NALCN: variants seen among roughly 807,000 people sequenced by gnomAD.
The protein encoded by NALCN is sodium leak channel, non-selective.
A neutral mutation model predicts 225.3 loss-of-function variants in NALCN; 111 were observed. The observed-to-expected ratio is 0.49, with a 90% confidence interval of 0.42 to 0.58. NALCN has a LOEUF of 0.58. NALCN is among the 20% of genes least tolerant of loss of function. NALCN has a pLI of 0.00. For synonymous variants in NALCN, 764 were observed against 769.0 expected (o/e 0.99, Z 0.11); for missense variants, 1,378 against 2,202.4 (o/e 0.63, Z 7.49).
In NALCN at chr13:101,106,148, A is replaced by G. The variant is rs117951010; in HGVS notation, c.2580-1198T>C. On this transcript the variant is annotated intron_variant, in intron 22 of 43. Transcript: ENST00000251127. ...ACTTGTGGAGAGCCGTCTTCTCCCT[A>G]CGTGTCTTCGCAAGGTCTTCTCTCT... Among the ~76,000 whole-genome samples the G allele has an allele frequency of 3.6e-4, 55 of 152,212 alleles. 1 individual carries two copies. The East Asian group carries it at 9.9e-3, about 27-fold the overall frequency.
chr13:101,224,544 T>G (rs776351944), intron 13 of NALCN, among the ~76,000 whole-genome samples: 1 of 152,176 alleles, frequency 6.6e-6, no homozygotes, highest in Non-Finnish European at 1.5e-5. Context: ...AGCTAACTCT[T>G]CCTTTGCTCC....
intron 37 of NALCN, among the ~76,000 whole-genome samples, chr13:101,070,069 T>C (rs2032747312): frequency 7.2e-6 from 1 of 138,646 alleles, no homozygotes. Flanking sequence ...GAATGTTTTT[T>C]TTTTTTTTTT....
Position 101,359,396 on chromosome 13 carries a change from C to T in NALCN, c.645-13976G>A, listed in dbSNP as rs189835733. 5.9e-4 allele frequency among the ~76,000 whole-genome samples: 90 copies of T among 152,244 alleles called. 1 individual carries two copies. The highest frequency in any genetic ancestry group is 4.0e-4 in the Non-Finnish European group (27 of 68,016). On this transcript the variant is annotated intron_variant, in intron 6 of 43. Coordinates refer to ENST00000251127, the MANE Select transcript of NALCN (RefSeq NM_052867.4). ...TGAAAGATACGTGTATCTTGAGCTTCGCATAAAACTGATGTCTCTTTATGG... is the reference window on the plus strand; with the variant it reads ...TGAAAGATACGTGTATCTTGAGCTTTGCATAAAACTGATGTCTCTTTATGG...
intron 9 of NALCN, among the ~76,000 whole-genome samples, 196 bp from the exon 10 acceptor site, chr13:101,284,215 CTT>C (rs2043263911): frequency 6.6e-6 from 1 of 152,170 alleles, no homozygotes. Flanking sequence ...ATGATAATAA[CTT>C]GAGTTTATTG....
At chr13:101,343,730 C>G (rs965726213) in intron 7 of NALCN, among the ~76,000 whole-genome samples, 4 of 152,334 alleles carry the variant, frequency 2.6e-5, no homozygotes, top group Admixed American at 2.6e-4. Context: ...CTGGTCCTCT[C>G]AAGTCAGCAC....
At chr13:101,294,041 C>T (rs1195602732) in intron 7 of NALCN, among the ~76,000 whole-genome samples, 1 of 152,050 alleles carries the variant, frequency 6.6e-6, no homozygotes, top group East Asian at 1.9e-4. Flanking sequence ...ATTATCAATA[C>T]CATCTTACAG....
At chr13:101,373,853 T>A (rs1044112252) in intron 6 of NALCN, among the ~76,000 whole-genome samples, 1 of 152,106 alleles carries the variant, frequency 6.6e-6, no homozygotes, top group African/African-American at 2.4e-5. Context: ...GAATAATAAA[T>A]GCAATAACTT....
chr13:101,071,446 T>C (rs1364263005), intron 37 of NALCN, among the ~76,000 whole-genome samples: 2 of 152,222 alleles, frequency 1.3e-5, no homozygotes, highest in Non-Finnish European at 2.9e-5. Flanking sequence ...AGCTTTTATA[T>C]CAGCAGCACT....
intron 6 of NALCN, among the ~76,000 whole-genome samples, chr13:101,368,137 A>C (rs1317966232): frequency 4.8e-5 from 7 of 145,730 alleles, no homozygotes; most frequent in Non-Finnish European, 1.1e-4. Flanking sequence ...ATATCTCCTA[A>C]AGCTATCCCT....
At chr13:101,224,632 G>A (rs2041067469) in intron 13 of NALCN, among the ~76,000 whole-genome samples, 2 of 152,178 alleles carry the variant, frequency 1.3e-5, no homozygotes, top group Middle Eastern at 3.4e-3. Context: ...CTTTGAACAG[G>A]AAATATAACC....
intron 11 of NALCN, among the ~76,000 whole-genome samples, chr13:101,255,085 T>G (rs930343792): frequency 3.3e-4 from 50 of 152,072 alleles, no homozygotes; most frequent in Middle Eastern, 6.3e-3. Flanking sequence ...CAACAATTAT[T>G]GGACACATAA....
At chr13:101,110,717 C>T (rs571056322) in intron 19 of NALCN, 29 bp from the exon 20 acceptor site, 1 of 1,611,108 alleles carries the variant, frequency 6.2e-7, no homozygotes, top group South Asian at 1.1e-5. Flanking sequence ...CTGGTTAATA[C>T]ATCTCAAGAT....
intron 3 of NALCN, among the ~76,000 whole-genome samples, chr13:101,379,466 CA>C (rs1195493301): frequency 3.3e-5 from 5 of 152,084 alleles, no homozygotes; most frequent in African/African-American, 1.2e-4. Flanking sequence ...GGAATCAATC[CA>C]AATGCCCATC....
intron 7 of NALCN, among the ~76,000 whole-genome samples, chr13:101,294,038 A>G (rs1343364628): frequency 6.6e-6 from 1 of 152,196 alleles, no homozygotes; most frequent in African/African-American, 2.4e-5. Context: ...GATATTATCA[A>G]TACCATCTTA....
At chr13:101,396,721 A>G (rs540900393) in intron 2 of NALCN, among the ~76,000 whole-genome samples, 112 of 152,156 alleles carry the variant, frequency 7.4e-4, no homozygotes, top group Non-Finnish European at 1.4e-3. Flanking sequence ...GACTTTCAAC[A>G]TAAAGAATCT....
At chr13:101,190,862 A>C (rs935205331) in intron 14 of NALCN, among the ~76,000 whole-genome samples, 4 of 152,222 alleles carry the variant, frequency 2.6e-5, no homozygotes, top group Admixed American at 2.6e-4. Context: ...GACAACTTTA[A>C]ACTTCATTAT....
chr13:101,269,438 T>C (rs533117866), intron 10 of NALCN, among the ~76,000 whole-genome samples: 1 of 152,292 alleles, frequency 6.6e-6, no homozygotes, highest in Non-Finnish European at 1.5e-5. Flanking sequence ...GAAAGTAATG[T>C]TGGTACTGTT....
rs7995032 is a variant in NALCN at position 101,258,266 on chromosome 13, G to A, written c.1266+177C>T. ...AAGATGACTCAGGCCCGCGGTGACA[G>A]GAAATGAATCAGGCCACACTGTGAC... On this transcript the variant is annotated intron_variant, in intron 11 of 43. Transcript: ENST00000251127. Among the ~76,000 whole-genome samples the A allele has an allele frequency of 0.28, 41,961 of 152,058 alleles. 6,957 individuals are homozygous for A. The highest frequency in any genetic ancestry group is 0.38 in the Non-Finnish European group (25,512 of 67,936).
At chr13:101,383,531 C>T (rs1185069697) in intron 3 of NALCN, among the ~76,000 whole-genome samples, 4 of 152,088 alleles carry the variant, frequency 2.6e-5, no homozygotes, top group Non-Finnish European at 1.5e-5. Flanking sequence ...CAGTGGGTGA[C>T]ATATAGCAGA....
Sources: gnomAD v4.1 joint callset for allele counts (sites outside exome capture counted in the v4.1 genomes callset) on GRCh38, gnomAD v4.1.1 for gene constraint, MANE v1.5 for transcripts, NCBI Gene and HGNC (gene_info 2026-07-23, HGNC 2026-07-21) for gene names.